Variants in BIRC6 observed in about 807,000 individuals in gnomAD.
BIRC6 encodes dual E2 ubiquitin-conjugating enzyme/E3 ubiquitin-protein ligase BIRC6.
Under a neutral mutation model 503.3 loss-of-function variants are expected in BIRC6, and 98 were observed. That is an observed-to-expected ratio of 0.19 (90% confidence interval 0.17 to 0.23). The LOEUF is 0.23. Among genes scored for constraint, BIRC6 ranks in the 10% least tolerant of loss-of-function variants. BIRC6 has a pLI of 1.00. For synonymous variants in BIRC6, 2,240 were observed against 2,078.7 expected, an observed-to-expected ratio of 1.08 and a Z score of -2.11; for missense variants, 5,360 against 5,806.0, an observed-to-expected ratio of 0.92 and a Z score of 2.50.
rs373047605 is a variant in BIRC6, at chr2:32,465,103, T to C, written c.5295T>C (p.His1765=). The change falls in exon 26 of 74, where the codon CAT becomes CAC. Residue 1765 remains histidine (H), a synonymous_variant. Coordinates refer to ENST00000421745, the MANE Select transcript of BIRC6 (RefSeq NM_016252.4). Reference sequence around the variant, plus strand: ...CTGGTCTAGCCCTTGCAATTTCTCATGCTTCACATTTTCTTCAACCTCCGC... The same window carrying C: ...CTGGTCTAGCCCTTGCAATTTCTCACGCTTCACATTTTCTTCAACCTCCGC... ...LGSGLALAIS[H]ASHFLQPPPH... is the part of the protein sequence containing the mutation. 11 of 1,608,566 alleles carry C rather than the reference T, an allele frequency of 6.8e-6. No individual in the cohort carries two copies. The African/African-American group carries it at 1.3e-4, about 20-fold the overall frequency.
chr2:32,541,459 A>G (rs779794849), intron 61 of BIRC6, among the ~76,000 whole-genome samples: 1 of 152,026 alleles, frequency 6.6e-6, no homozygotes, highest in Non-Finnish European at 1.5e-5. Context: ...TTCTACATAT[A>G]TATGTAAAAG....
chr2:32,556,868 G>A (rs561226795), intron 65 of BIRC6, among the ~76,000 whole-genome samples: 1 of 152,256 alleles, frequency 6.6e-6, no homozygotes, highest in Admixed American at 6.5e-5. Context: ...GAAGCCGGGA[G>A]GCAGAGGTTG....
At chr2:32,428,296 C>G (rs953194584) in intron 10 of BIRC6, among the ~76,000 whole-genome samples, 4 of 152,228 alleles carry the variant, frequency 2.6e-5, no homozygotes, top group African/African-American at 9.6e-5. Context: ...CTGTGCTTCT[C>G]TCACTACATG....
chr2:32,451,502 G>A (rs140923098), intron 22 of BIRC6, among the ~76,000 whole-genome samples: 52 of 152,044 alleles, frequency 3.4e-4, no homozygotes, highest in African/African-American at 1.1e-3. Context: ...TAAAAATGTC[G>A]GTTTCATTTT....
chr2:32,412,545 A>C (rs553406430), intron 9 of BIRC6, among the ~76,000 whole-genome samples: 1 of 151,982 alleles, frequency 6.6e-6, no homozygotes, highest in Admixed American at 6.6e-5. Context: ...AAGATGATAT[A>C]ATGTAATGTA....
At chr2:32,440,712 A>G (rs2045324428) in intron 16 of BIRC6, among the ~76,000 whole-genome samples, 1 of 149,314 alleles carries the variant, frequency 6.7e-6, no homozygotes. Context: ...GGAGCCTGAC[A>G]TATCTCACGT....
chr2:32,447,363 C>A (rs1354069809), intron 21 of BIRC6, among the ~76,000 whole-genome samples: 1 of 147,620 alleles, frequency 6.8e-6, no homozygotes. Context: ...CCGGATGGGG[C>A]GGCTGGCCGG....
chr2:32,433,720 G>T lies in BIRC6; in HGVS notation c.3325G>T (p.Val1109Phe). 1 of 1,605,082 alleles carries T rather than the reference G, an allele frequency of 6.2e-7. No individual in the cohort carries two copies. The highest frequency in any genetic ancestry group is 8.5e-7 in the Non-Finnish European group (1 of 1,173,608). ...GGTTGGACATGTGGACTTCAAATTC[G>T]TTTTGAACTCAAACATCACCAATAT... is the stretch of plus-strand genomic sequence containing the variant. ...CMVGHVDFKF[V>F]LNSNITNIPQ... is the part of the protein sequence containing the mutation. The change falls in exon 13 of 74, where the codon GTT becomes TTT. Residue 1109 changes from valine to phenylalanine, a missense_variant. This residue lies in a region of BIRC6 where 2,299 missense variants were observed against 2,267.2 expected (regional missense o/e 1.01). Transcript: ENST00000421745.
chr2:32,562,350 TAC>T (rs1422446019), intron 65 of BIRC6, among the ~76,000 whole-genome samples: 1 of 152,246 alleles, frequency 6.6e-6, no homozygotes, highest in Non-Finnish European at 1.5e-5. Context: ...GAGCAGATAG[TAC>T]AGAGTTCCCA....
rs528785823 is a variant in BIRC6, at chr2:32,445,748, A to G, written c.4484+80A>G. 17 of 998,374 alleles carry G rather than the reference A, an allele frequency of 1.7e-5. No homozygotes were observed. The East Asian group carries it at 2.2e-4, about 13-fold the overall frequency. 61.8% of individuals were successfully genotyped at this position (998,374 alleles called of 1,614,324 possible). On this transcript the variant is annotated intron_variant, in intron 21 of 73. Transcript: ENST00000421745. ...TTTGCAGAGAACTGTTATTTAATAT[A>G]TATATGCTGATAACAGTCTTTTTCT...
chr2:32,508,324 G>C, intron 51 of BIRC6, 65 bp downstream of exon 51: 1 of 1,398,636 alleles, frequency 7.1e-7, no homozygotes, highest in Middle Eastern at 2.2e-4. Context: ...GGAGATAGGG[G>C]ACTTAATTAT....
At position 32,493,523 on chromosome 2, in the gene BIRC6, T is replaced by C; in HGVS notation, c.8341-17T>C. 3 of 1,585,888 alleles carry C rather than the reference T, an allele frequency of 1.9e-6. No homozygotes were observed. Among genetic ancestry groups the C allele is most frequent in the Non-Finnish European group, 8.6e-7 (1 of 1,162,606 alleles). ...TTACCAGTAAGCAGTTTTCAGTGAATATACATTTCTCTTTAGGTTGGTCCT... is the reference window on the plus strand; with the variant it reads ...TTACCAGTAAGCAGTTTTCAGTGAACATACATTTCTCTTTAGGTTGGTCCT... On this transcript the variant is annotated splice_polypyrimidine_tract_variant and intron_variant, in intron 44 of 73. Coordinates refer to ENST00000421745, the MANE Select transcript of BIRC6 (RefSeq NM_016252.4).
chr2:32,506,642 C>A (rs544577291), intron 50 of BIRC6, among the ~76,000 whole-genome samples: 76 of 152,230 alleles, frequency 5.0e-4, no homozygotes, highest in African/African-American at 1.8e-3. Flanking sequence ...GAAGGGGGAA[C>A]CCCTGTGAAA....
chr2:32,409,451 C>A (rs748556874), intron 9 of BIRC6, among the ~76,000 whole-genome samples: 3 of 152,112 alleles, frequency 2.0e-5, no homozygotes, highest in Non-Finnish European at 4.4e-5. Context: ...CCACTGTGCC[C>A]GGCCTATTGA....
chr2:32,613,186 GGTTTGTTTGTTT>G (rs141023018), intron 73 of BIRC6, among the ~76,000 whole-genome samples: 2 of 150,844 alleles, frequency 1.3e-5, no homozygotes, highest in Admixed American at 1.3e-4. Flanking sequence ...TGCCTTGACT[GGTTTGTTTGTTT>G]GTTTGTTTGT....
At chr2:32,548,345 A>T (rs1034746874) in intron 64 of BIRC6, among the ~76,000 whole-genome samples, 192 of 60,974 alleles carry the variant, frequency 3.1e-3, no homozygotes, top group Admixed American at 4.7e-3. Flanking sequence ...TTATTTATTT[A>T]TATGCATTTT....
At chr2:32,449,456 CTA>C (rs1390664546) in intron 22 of BIRC6, among the ~76,000 whole-genome samples, 3 of 152,146 alleles carry the variant, frequency 2.0e-5, no homozygotes, top group Admixed American at 6.5e-5. Context: ...ATGCATGACA[CTA>C]TTTTTATAAT....
chr2:32,581,462 T>C (rs1424259391), intron 66 of BIRC6, among the ~76,000 whole-genome samples: 1 of 152,264 alleles, frequency 6.6e-6, no homozygotes, highest in African/African-American at 2.4e-5. Context: ...CCTATGCTAC[T>C]GTTTACTTAA....
At chr2:32,601,454 GC>G (rs1199758002) in intron 70 of BIRC6, among the ~76,000 whole-genome samples, 1 of 152,180 alleles carries the variant, frequency 6.6e-6, no homozygotes, top group African/African-American at 2.4e-5. Flanking sequence ...GGTGGCACAT[GC>G]CTGTAATCCC....
Sources: gnomAD v4.1 joint callset for allele counts (sites outside exome capture counted in the v4.1 genomes callset) on GRCh38, gnomAD v4.1.1 for gene constraint, gnomAD v4.1.1 regional missense constraint, MANE v1.5 for transcripts, NCBI Gene and HGNC (gene_info 2026-07-23, HGNC 2026-07-21) for gene names.